Variants in AGBL4 observed in about 807,000 individuals in gnomAD.
AGBL4 encodes AGBL carboxypeptidase 4.
Under a neutral mutation model 66.4 loss-of-function variants are expected in AGBL4, and 58 were observed. The ratio of observed to expected loss-of-function variants is 0.87; its 90% confidence interval spans 0.71 to 1.09. AGBL4 has a LOEUF of 1.09. AGBL4 is among the 50% of genes least tolerant of loss of function. The pLI is 0.00. For missense variants in AGBL4, 579 were observed against 631.0 expected, an observed-to-expected ratio of 0.92 and a Z score of 0.88; for synonymous variants, 234 against 222.9, an observed-to-expected ratio of 1.05 and a Z score of -0.44.
intron 6 of AGBL4, among the ~76,000 whole-genome samples, chr1:48,670,224 C>A (rs1646255509): frequency 6.6e-6 from 1 of 152,198 alleles, no homozygotes; most frequent in South Asian, 2.1e-4. Flanking sequence ...AGTAAGGGTG[C>A]CTCTGACTTA....
At chr1:48,580,434 G>A (rs1465274355) in intron 11 of AGBL4, among the ~76,000 whole-genome samples, 1 of 152,206 alleles carries the variant, frequency 6.6e-6, no homozygotes, top group Admixed American at 6.5e-5. Context: ...CAGGGAAACA[G>A]AAGTGAGCCA....
At chr1:49,470,536 C>G (rs958419321) in intron 3 of AGBL4, among the ~76,000 whole-genome samples, 1 of 151,960 alleles carries the variant, frequency 6.6e-6, no homozygotes, top group Non-Finnish European at 1.5e-5. Context: ...TGGAACTTGA[C>G]TCTGGAGGCA....
At chr1:48,529,736 A>G (rs555876360), downstream of AGBL4, among the ~76,000 whole-genome samples, 2 of 152,300 alleles carry the variant, frequency 1.3e-5, no homozygotes, top group South Asian at 4.1e-4. Context: ...AGGAAGTGAT[A>G]GGGAACCAGA....
At chr1:48,692,641 G>T (rs915780631) in intron 6 of AGBL4, among the ~76,000 whole-genome samples, 1 of 152,180 alleles carries the variant, frequency 6.6e-6, no homozygotes, top group Non-Finnish European at 1.5e-5. Context: ...AGCAGGTCAG[G>T]GCTTCAGCTT....
chr1:48,578,211 G>T (rs1644684176), intron 11 of AGBL4, among the ~76,000 whole-genome samples: 1 of 152,176 alleles, frequency 6.6e-6, no homozygotes, highest in African/African-American at 2.4e-5. Context: ...TACACCACAA[G>T]TTACAGGCAA....
chr1:49,629,050 C>G (rs1645518811), intron 3 of AGBL4, among the ~76,000 whole-genome samples: 1 of 152,068 alleles, frequency 6.6e-6, no homozygotes, highest in South Asian at 2.1e-4. Flanking sequence ...TAGAGACCAC[C>G]ACCCTGCATC....
chr1:49,327,645 C>T (rs1645252384), intron 3 of AGBL4, among the ~76,000 whole-genome samples: 1 of 152,178 alleles, frequency 6.6e-6, no homozygotes, highest in Non-Finnish European at 1.5e-5. Flanking sequence ...GGTAGTGCTC[C>T]CTTCAACCTC....
rs539842539 is a variant in AGBL4, at chr1:48,658,140, A to G, written c.725-4689T>C. On this transcript the variant is annotated intron_variant, in intron 7 of 13. Transcript: ENST00000371839. ...CAGGGAAAGAAAGTCAGGGTGTGGC[A>G]TCGCTTGCTGAGTGCCTCACAAGAA... Among the ~76,000 whole-genome samples, 13 of 152,346 alleles carry G rather than the reference A, an allele frequency of 8.5e-5. No homozygotes were observed. In the South Asian group the frequency reaches 2.5e-3, roughly 29 times the overall value.
intron 4 of AGBL4, among the ~76,000 whole-genome samples, chr1:49,060,736 A>G (rs1174264821): frequency 6.6e-6 from 1 of 152,194 alleles, no homozygotes; most frequent in Admixed American, 6.5e-5. Context: ...ACAGGAAAAT[A>G]GGACAATATA....
rs996232203 is a variant in AGBL4 at position 49,564,593 on chromosome 1, C to G, written c.282+132720G>C. On this transcript the variant is annotated intron_variant, in intron 3 of 13. Transcript: ENST00000371839. ...AGTAGTCATTCAGGAGCAGGTTGTT[C>G]AGTTTCCATGTAGTTGAGTGGTTTT... Among the ~76,000 whole-genome samples the G allele has an allele frequency of 2.4e-4, 36 of 152,236 alleles. 1 individual carries two copies. Among genetic ancestry groups the G allele is most frequent in the African/African-American group, 7.7e-4 (32 of 41,530 alleles).
intron 6 of AGBL4, among the ~76,000 whole-genome samples, chr1:48,813,537 G>A (rs978538554): frequency 7.2e-5 from 11 of 152,232 alleles, no homozygotes; most frequent in Admixed American, 2.0e-4. Flanking sequence ...TCTAAAGGGA[G>A]CCTAGGCTTG....
At chr1:49,079,522 G>C (rs1373673680) in intron 4 of AGBL4, among the ~76,000 whole-genome samples, 1 of 152,104 alleles carries the variant, frequency 6.6e-6, no homozygotes, top group African/African-American at 2.4e-5. Context: ...AACAGCATGG[G>C]AGAAACCACC....
chr1:48,971,793 T>C (rs1182418085), intron 5 of AGBL4, among the ~76,000 whole-genome samples: 1 of 152,180 alleles, frequency 6.6e-6, no homozygotes, highest in East Asian at 1.9e-4. Context: ...CATTTTACTG[T>C]ACATAAACCT....
the AGBL4 span, among the ~76,000 whole-genome samples, chr1:48,527,543 G>C: frequency 6.6e-6 from 1 of 151,540 alleles, no homozygotes; most frequent in African/African-American, 2.4e-5. Flanking sequence ...ATTGCAGTGA[G>C]CTGAGATCGT....
chr1:49,005,003 A>C (rs990731405), intron 5 of AGBL4, among the ~76,000 whole-genome samples: 11 of 152,186 alleles, frequency 7.2e-5, no homozygotes, highest in African/African-American at 2.7e-4. Flanking sequence ...TCTTATGGTA[A>C]TACTGGGGGA....
At chr1:49,011,735 C>G (rs1464542265) in intron 5 of AGBL4, among the ~76,000 whole-genome samples, 1 of 152,036 alleles carries the variant, frequency 6.6e-6, no homozygotes, top group Non-Finnish European at 1.5e-5. Context: ...TTTGTAGGGA[C>G]ATGGATGAAA....
chr1:49,692,096 A>T (rs1481029797), intron 3 of AGBL4, among the ~76,000 whole-genome samples: 1 of 152,188 alleles, frequency 6.6e-6, no homozygotes, highest in Non-Finnish European at 1.5e-5. Context: ...AACACATGGG[A>T]ATCAAGATGA....
At chr1:49,882,927 T>C (rs1047871763) in intron 1 of AGBL4, among the ~76,000 whole-genome samples, 3 of 152,120 alleles carry the variant, frequency 2.0e-5, no homozygotes, top group Non-Finnish European at 4.4e-5. Flanking sequence ...CTTCTAAATG[T>C]CCCACCAGAC....
intron 3 of AGBL4, among the ~76,000 whole-genome samples, chr1:49,484,926 A>T (rs879392985): frequency 3.3e-5 from 5 of 151,932 alleles, no homozygotes; most frequent in Non-Finnish European, 7.4e-5. Flanking sequence ...TTATAAATGT[A>T]AAAGAAAAAA....
Sources: allele counts gnomAD v4.1 joint callset (sites outside exome capture counted in the v4.1 genomes callset), GRCh38; gene constraint gnomAD v4.1.1; transcripts MANE v1.5; gene names NCBI Gene and HGNC (gene_info 2026-07-23, HGNC 2026-07-21).